The following GABRB1 variants were observed in gnomAD, a reference collection of about 807,000 sequenced individuals.
GABRB1 encodes the protein gamma-aminobutyric acid receptor subunit beta-1.
A neutral mutation model predicts 51.6 loss-of-function variants in GABRB1; 17 were observed. The ratio of observed to expected loss-of-function variants is 0.33; its 90% CI spans 0.23 to 0.49. GABRB1 has a LOEUF of 0.49. Ranked by LOEUF, GABRB1 falls within the 20% of genes least tolerant of loss-of-function variation. GABRB1 has a pLI of 0.99. For synonymous variants in GABRB1, 247 were observed against 218.9 expected (o/e 1.13, Z -1.14); for missense variants, 410 against 600.6 (o/e 0.68, Z 3.32).
rs751237431 is a variant in GABRB1, at chr4:47,016,585, TTATCTATC to T, written c.-19-15315_-19-15308del. 2.0e-4 allele frequency among the ~76,000 whole-genome samples: 30 copies of T among 151,796 alleles called. No homozygotes were observed. The Middle Eastern group carries it at 0.014, about 69-fold the overall frequency. On this transcript the variant is annotated intron_variant, in intron 1 of 3. Transcript: ENST00000513567. ...ATTATTTATTTATTTATTTATTTAT[TTATCTATC>T]TATCTATCTATCTGAGATGGAGTCT... is the stretch of plus-strand genomic sequence containing the variant.
intron 1 of GABRB1, among the ~76,000 whole-genome samples, chr4:47,025,208 C>T (rs1046758920): frequency 6.6e-5 from 10 of 151,292 alleles, no homozygotes; most frequent in African/African-American, 1.9e-4. Context: ...TATAAACATG[C>T]GTGTGCAAGT....
rs1424198915 is a variant in GABRB1, at chr4:47,032,504, G to C, written c.240+20G>C. On this transcript the variant is annotated intron_variant, in intron 3 of 8. Coordinates refer to ENST00000295454, the MANE Select transcript of GABRB1 (RefSeq NM_000812.4). ...AATATGGTGAGTGGCCTCCCGAGGG[G>C]CCCGGCGGTTCGGCTTACGCAGATG... The C allele has an allele frequency of 6.2e-7, 1 of 1,612,308 alleles. No individual in the cohort carries two copies. Among genetic ancestry groups the C allele is most frequent in the East Asian group, 2.2e-5 (1 of 44,874 alleles).
chr4:47,016,852 A>G (rs1048903337), intron 1 of GABRB1, among the ~76,000 whole-genome samples: 9 of 152,124 alleles, frequency 5.9e-5, no homozygotes, highest in Non-Finnish European at 1.2e-4. Flanking sequence ...AGTCTCCCAA[A>G]GTGCTGGGAT....
rs188234674 is a variant in GABRB1, at chr4:47,097,366, C to A, written c.241-63883C>A. ...CGGAAAAATCACTTTCTCCAGAGAG[C>A]TGCAGGATTCACTTCTGTGCCTTTT... On this transcript the variant is annotated intron_variant, in intron 3 of 8. Coordinates refer to ENST00000295454, the MANE Select transcript of GABRB1 (RefSeq NM_000812.4). Among the ~76,000 whole-genome samples the A allele has an allele frequency of 7.2e-5, 11 of 152,304 alleles. No homozygotes were observed. In the East Asian group the frequency reaches 2.1e-3, roughly 29 times the overall value.
chr4:47,194,222 T>C (rs1719555708), intron 4 of GABRB1, among the ~76,000 whole-genome samples: 1 of 152,222 alleles, frequency 6.6e-6, no homozygotes, highest in South Asian at 2.1e-4. Context: ...TCAGATGGTC[T>C]CATTGCCTGG....
chr4:47,311,769 G>A (rs996925644), intron 4 of GABRB1, among the ~76,000 whole-genome samples: 15 of 152,128 alleles, frequency 9.9e-5, no homozygotes, highest in Non-Finnish European at 1.6e-4. Context: ...GCTTAGTACA[G>A]TGCCTGTCAT....
chr4:47,132,452 C>A (rs1038998601), intron 3 of GABRB1, among the ~76,000 whole-genome samples: 1 of 151,348 alleles, frequency 6.6e-6, no homozygotes, highest in Non-Finnish European at 1.5e-5. Context: ...GTTTGGATTG[C>A]ATCACTTTAA....
chr4:47,267,921 A>G (rs964929519), intron 4 of GABRB1, among the ~76,000 whole-genome samples: 4 of 152,228 alleles, frequency 2.6e-5, no homozygotes, highest in African/African-American at 9.6e-5. Context: ...AATAAATTAA[A>G]AAGATGCACT....
chr4:47,337,893 T>C (rs1425096681), intron 5 of GABRB1, among the ~76,000 whole-genome samples: 1 of 151,422 alleles, frequency 6.6e-6, no homozygotes, highest in Admixed American at 6.6e-5. Context: ...CAGTCCTTAC[T>C]GCATTTTAAC....
chr4:47,191,702 A>G (rs563876642), intron 4 of GABRB1, among the ~76,000 whole-genome samples: 2 of 151,820 alleles, frequency 1.3e-5, no homozygotes, highest in South Asian at 4.2e-4. Context: ...TCAGCACAGG[A>G]AAAAAAAATT....
chr4:47,236,755 C>A (rs191982108), intron 4 of GABRB1, among the ~76,000 whole-genome samples: 1 of 152,226 alleles, frequency 6.6e-6, no homozygotes, highest in African/African-American at 2.4e-5. Flanking sequence ...CATGCTGGCT[C>A]CAAGTGATCA....
chr4:47,033,518 T>C (rs1220888861), intron 3 of GABRB1, among the ~76,000 whole-genome samples: 1 of 152,184 alleles, frequency 6.6e-6, no homozygotes, highest in Non-Finnish European at 1.5e-5. Context: ...AAAAATGTTA[T>C]GGCGGCAGAA....
chr4:47,127,144 T>C (rs1716182456), intron 3 of GABRB1, among the ~76,000 whole-genome samples: 1 of 151,842 alleles, frequency 6.6e-6, no homozygotes. Context: ...AAGTCTAATT[T>C]CCTAATTATA....
chr4:47,065,978 G>T (rs80281581), intron 3 of GABRB1, among the ~76,000 whole-genome samples: 4,801 of 152,236 alleles, frequency 0.032, 365 homozygotes, highest in Admixed American at 0.15. Flanking sequence ...AAGCCACTGA[G>T]ACTTGTATCT....
chr4:47,112,804 T>G (rs1715286220), intron 3 of GABRB1, among the ~76,000 whole-genome samples: 1 of 152,120 alleles, frequency 6.6e-6, no homozygotes, highest in Non-Finnish European at 1.5e-5. Flanking sequence ...TTGTGAGATG[T>G]GACTAAATTC....
At chr4:47,092,129 C>T (rs1249125269) in intron 3 of GABRB1, among the ~76,000 whole-genome samples, 1 of 138,546 alleles carries the variant, frequency 7.2e-6, no homozygotes, top group Non-Finnish European at 1.6e-5. Context: ...CCCAAGAATT[C>T]ATTTCTTTTC....
rs188880348 is a variant in GABRB1, at chr4:47,096,451, C to T, written c.240+63967C>T. ...TACCAATAACAGTAATATAAATAGA[C>T]GGTAGATTGCAGTAAACTGGTTCGG... On this transcript the variant is annotated intron_variant, in intron 3 of 8. Coordinates refer to ENST00000295454, the MANE Select transcript of GABRB1 (RefSeq NM_000812.4). Among the ~76,000 whole-genome samples the T allele has an allele frequency of 5.5e-4, 84 of 152,178 alleles. No homozygotes were observed. In the East Asian group the frequency reaches 8.7e-3, roughly 16 times the overall value.
At chr4:47,411,150 AG>A (rs1490450103) in intron 8 of GABRB1, among the ~76,000 whole-genome samples, 1 of 152,224 alleles carries the variant, frequency 6.6e-6, no homozygotes, top group Non-Finnish European at 1.5e-5. Flanking sequence ...GAGCAGTAAA[AG>A]TCTCAAATAT....
chr4:47,310,947 T>TGAGGTCAGGAGTTC, intron 4 of GABRB1, among the ~76,000 whole-genome samples: 2 of 149,294 alleles, frequency 1.3e-5, no homozygotes, highest in African/African-American at 5.0e-5. Flanking sequence ...GCGGATCACT[T>TGAGGTCAGGAGTTC]GAGACCAGGA....
Sources: gnomAD v4.1 joint callset for allele counts (sites outside exome capture counted in the v4.1 genomes callset) on GRCh38, gnomAD v4.1.1 for gene constraint, MANE v1.5 for transcripts, NCBI Gene and HGNC (gene_info 2026-07-23, HGNC 2026-07-21) for gene names.